ZNF688: variants seen among roughly 807,000 people sequenced by gnomAD.
The protein encoded by ZNF688 is zinc finger protein 688.
A neutral mutation model predicts 13.2 loss-of-function variants in ZNF688; 10 were observed. The observed-to-expected ratio is 0.76, with a 90% CI of 0.47 to 1.28. ZNF688 has a LOEUF of 1.28. ZNF688 is among the 50% of genes most tolerant of loss of function. ZNF688 has a pLI of 0.00. For synonymous variants in ZNF688, 160 were observed against 159.4 expected, an observed-to-expected ratio of 1.00 and a Z score of -0.03; for missense variants, 381 against 391.4, an observed-to-expected ratio of 0.97 and a Z score of 0.22.
At chr16:30,572,438 C>T (rs1437425244), upstream of ZNF688, 3 of 713,118 alleles carry the variant, frequency 4.2e-6, no homozygotes, top group Non-Finnish European at 6.0e-6. Flanking sequence ...AGCTTAGCTG[C>T]GGAGTCCACC....
At chr16:30,571,954 C>T, upstream of ZNF688, 1 of 1,301,482 alleles carries the variant, frequency 7.7e-7, no homozygotes, top group Non-Finnish European at 9.8e-7. Flanking sequence ...CATTATTTGA[C>T]CATATCAAAT....
chr16:30,576,080 C>T (rs995609026), upstream of ZNF688, among the ~76,000 whole-genome samples: 1 of 152,118 alleles, frequency 6.6e-6, no homozygotes, highest in Non-Finnish European at 1.5e-5. Context: ...GTCAGTCTCG[C>T]TCTGCAGCCT....
upstream of ZNF688, chr16:30,572,107 C>T (rs28671006): frequency 1.3e-6 from 2 of 1,562,634 alleles, no homozygotes; most frequent in South Asian, 2.3e-5. Flanking sequence ...TGTAAGGGCC[C>T]GAAGCTTCAC....
upstream of ZNF688, among the ~76,000 whole-genome samples, chr16:30,573,427 A>T (rs2051715435): frequency 6.6e-6 from 1 of 152,018 alleles, no homozygotes; most frequent in Non-Finnish European, 1.5e-5. Flanking sequence ...TTCAGCCAAG[A>T]TGGGTCATCC....
At position 30,570,328 on chromosome 16, in the gene ZNF688, G is replaced by A. The variant is rs749410346; in HGVS notation, c.419C>T (p.Pro140Leu). The change falls in exon 3 of 3, where the codon CCT becomes CTT. Residue 140 changes from proline to leucine, a missense_variant. Physicochemically the swap from Pro to Leu is moderately conservative, Grantham distance 98. Coordinates refer to ENST00000223459, the MANE Select transcript of ZNF688 (RefSeq NM_145271.4). The part of the protein sequence containing the change: ...ESPEVLVERN[P>L]DPAISVAPAR... ...CGGGGCCACGCTAATAGCTGGGTCA[G>A]GGTTGCGTTCCACCAGCACTTCAGG... is the stretch of plus-strand genomic sequence containing the variant. 1.2e-6 allele frequency: 2 copies of A among 1,614,140 alleles called. No homozygotes were observed. The highest frequency in any genetic ancestry group is 3.3e-5 in the Admixed American group (2 of 60,030).
At position 30,571,420 on chromosome 16, in the gene ZNF688, C is replaced by A; in HGVS notation, c.196+14G>T. ...CCGGTGAAGGAGGAGGGGGCTCGGA[C>A]CCGGGGCTCTCACCGAGCGCGCCCA... is the stretch of plus-strand genomic sequence containing the variant. On this transcript the variant is annotated intron_variant, in intron 1 of 2. Transcript: ENST00000223459. The A allele has an allele frequency of 6.4e-7, 1 of 1,556,170 alleles. No individual in the cohort carries two copies. The highest frequency in any genetic ancestry group is 8.7e-7 in the Non-Finnish European group (1 of 1,150,536).
upstream of ZNF688, chr16:30,571,888 C>A: frequency 3.1e-6 from 4 of 1,277,856 alleles, no homozygotes; most frequent in Non-Finnish European, 3.9e-6. Flanking sequence ...CCGGAAGGTG[C>A]CTTCTGAAAA....
chr16:30,573,317 T>A (rs193196509), upstream of ZNF688, among the ~76,000 whole-genome samples: 596 of 152,300 alleles, frequency 3.9e-3, 6 homozygotes, highest in African/African-American at 0.013. Context: ...TTCAGTCTCC[T>A]CTCTAAACTG....
chr16:30,572,991 T>C (rs554414051), upstream of ZNF688, among the ~76,000 whole-genome samples: 4 of 151,848 alleles, frequency 2.6e-5, no homozygotes, highest in African/African-American at 9.7e-5. Context: ...ACCGCAACCT[T>C]CGCCTCCCAG....
At position 30,571,037 on chromosome 16, in the gene ZNF688, C is replaced by G. The variant is rs953868512; in HGVS notation, c.283G>C (p.Gly95Arg). 9 of 1,613,304 alleles carry G rather than the reference C, an allele frequency of 5.6e-6. No homozygotes were observed. The highest frequency in any genetic ancestry group is 7.6e-6 in the Non-Finnish European group (9 of 1,179,722). Reference protein sequence around the residue: ...WSPAAQDPEKGERLGGARRGD... With the variant: ...WSPAAQDPEKRERLGGARRGD... ...CTCCGAGCTCCTCCCAGTCTTTCCCCCTTCTCAGGATCCTGGGCGGCGGGG... is the reference window on the plus strand; with the variant it reads ...CTCCGAGCTCCTCCCAGTCTTTCCCGCTTCTCAGGATCCTGGGCGGCGGGG... Residue 95 changes from glycine (G) to arginine (R), a missense_variant, in exon 2 of 3, where the codon GGG becomes CGG. Gly to Arg is a moderately radical substitution (Grantham distance 125). Transcript: ENST00000223459.
chr16:30,579,556 T>G, the ZNF688 span: 1 of 284,658 alleles, frequency 3.5e-6, no homozygotes, highest in Non-Finnish European at 7.1e-6. Flanking sequence ...CCTGGCTAAT[T>G]TTTTGGTAGA....
At chr16:30,573,732 C>A (rs1173263293), upstream of ZNF688, 2 of 177,186 alleles carry the variant, frequency 1.1e-5, no homozygotes, top group Admixed American at 6.3e-5. Context: ...CTGTTTTTCA[C>A]CTGAAATGCT....
the ZNF688 span, chr16:30,579,445 T>C: frequency 1.5e-5 from 3 of 194,330 alleles, no homozygotes; most frequent in African/African-American, 7.0e-5. Context: ...TGGAGTGCAA[T>C]GGAGCCATCT....
At chr16:30,570,758 T>C (rs1342207029) in intron 2 of ZNF688, 2 of 332,616 alleles carry the variant, frequency 6.0e-6, no homozygotes, top group Non-Finnish European at 1.1e-5. Context: ...TATTTATTTA[T>C]TTATTTATTT....
At chr16:30,579,883 T>TTTTTG in the ZNF688 span, 2 of 454,710 alleles carry the variant, frequency 4.4e-6, no homozygotes, top group African/African-American at 2.0e-5. Context: ...TAACTGTTGT[T>TTTTTG]TTTTGTTTTG....
At chr16:30,571,853 G>A (rs1322565742), upstream of ZNF688, 1 of 1,285,434 alleles carries the variant, frequency 7.8e-7, no homozygotes, top group East Asian at 3.1e-5. Flanking sequence ...TGGCCGCTTG[G>A]ACATAGACAC....
chr16:30,577,775 C>T, the ZNF688 span, among the ~76,000 whole-genome samples: 3 of 151,690 alleles, frequency 2.0e-5, no homozygotes, highest in Admixed American at 1.3e-4. Context: ...CTCTGCCTCC[C>T]GAGTTCAAGC....
chr16:30,570,039 G>C lies in ZNF688; in HGVS notation c.708C>G (p.Cys236Trp). The C allele has an allele frequency of 6.2e-7, 1 of 1,610,994 alleles. No individual in the cohort carries two copies. The highest frequency in any genetic ancestry group is 2.2e-5 in the East Asian group (1 of 44,844). The stretch of plus-strand genomic sequence containing the variant: ...GCCTCCGGCCCCGCCGCCCCCCGGA[G>C]CAGGAGCGGTGGATCCACTGGTGCG... ...VEAHQWIHRS[C>W]SGGRRGRRPG... is the part of the protein sequence containing the mutation. The change falls in exon 3 of 3, where the codon TGC (cysteine) becomes TGG (tryptophan). Residue 236 changes from cysteine to tryptophan, a missense_variant. By Grantham distance (215) the Cys-to-Trp change is radical (BLOSUM62 -2). Transcript: ENST00000223459.
At chr16:30,577,107 G>C (rs2051754413), upstream of ZNF688, among the ~76,000 whole-genome samples, 1 of 152,082 alleles carries the variant, frequency 6.6e-6, no homozygotes, top group Non-Finnish European at 1.5e-5. Context: ...CTGTCACCCA[G>C]GTTGGGGTGC....
Sources: gnomAD v4.1 joint callset for allele counts (sites outside exome capture counted in the v4.1 genomes callset) on GRCh38, gnomAD v4.1.1 for gene constraint, MANE v1.5 for transcripts, NCBI Gene and HGNC (gene_info 2026-07-23, HGNC 2026-07-21) for gene names.